ELMO1: variants seen among roughly 807,000 people sequenced by gnomAD.
The protein encoded by ELMO1 is engulfment and cell motility protein 1.
A neutral mutation model predicts 98.9 loss-of-function variants in ELMO1; 26 were observed. The ratio of observed to expected loss-of-function variants is 0.26; its 90% CI spans 0.19 to 0.36. The LOEUF is 0.36. ELMO1 is among the 10% of genes least tolerant of loss of function. The pLI is 1.00. For synonymous variants in ELMO1, 346 were observed against 346.0 expected (o/e 1.00, Z 0.00); for missense variants, 627 against 935.2 (o/e 0.67, Z 4.30).
intron 13 of ELMO1, among the ~76,000 whole-genome samples, chr7:37,184,079 A>C (rs749650220): frequency 1.6e-4 from 24 of 151,746 alleles, no homozygotes; most frequent in Non-Finnish European, 2.8e-4. Context: ...TTTGTCTGTT[A>C]GTTTCAACAT....
intron 16 of ELMO1, among the ~76,000 whole-genome samples, chr7:36,920,559 T>C (rs747729110): frequency 6.6e-6 from 1 of 152,210 alleles, no homozygotes; most frequent in Non-Finnish European, 1.5e-5. Flanking sequence ...CATAATGAAA[T>C]TCATGCATAT....
intron 15 of ELMO1, among the ~76,000 whole-genome samples, chr7:37,071,443 G>A (rs1797262603): frequency 6.6e-6 from 1 of 152,036 alleles, no homozygotes. Context: ...AAAGAAACTA[G>A]CAAGAGATTT....
chr7:37,155,119 G>A (rs2129322469), intron 13 of ELMO1, among the ~76,000 whole-genome samples: 1 of 152,304 alleles, frequency 6.6e-6, no homozygotes, highest in South Asian at 2.1e-4. Flanking sequence ...GAGAGATTTT[G>A]TCACCACCAG....
chr7:37,335,186 G>A (rs1051235828), intron 2 of ELMO1, among the ~76,000 whole-genome samples: 6 of 152,210 alleles, frequency 3.9e-5, no homozygotes, highest in African/African-American at 1.4e-4. Flanking sequence ...TAAGAAATTA[G>A]AAAACTGGAG....
chr7:37,211,541 G>A (rs775624967), intron 12 of ELMO1, 24 bp from the exon 13 acceptor site: 1 of 1,610,290 alleles, frequency 6.2e-7, no homozygotes. Context: ...GGAGTAAAAA[G>A]AAAAGGGAGG....
At chr7:37,244,169 G>A (rs1253161200) in intron 7 of ELMO1, among the ~76,000 whole-genome samples, 187 bp downstream of exon 7, 1 of 152,018 alleles carries the variant, frequency 6.6e-6, no homozygotes, top group Non-Finnish European at 1.5e-5. Flanking sequence ...AGCAAAAAAA[G>A]GGGGGAAAAT....
intron 1 of ELMO1, among the ~76,000 whole-genome samples, chr7:37,417,865 T>A (rs1371382640): frequency 6.6e-6 from 1 of 151,984 alleles, no homozygotes; most frequent in Non-Finnish European, 1.5e-5. Flanking sequence ...GAAAACGTCA[T>A]GCAAAAACAG....
chr7:37,230,702 C>T (rs543437060), intron 8 of ELMO1, among the ~76,000 whole-genome samples: 4 of 152,186 alleles, frequency 2.6e-5, no homozygotes, highest in South Asian at 2.1e-4. Flanking sequence ...ACAGACAAGC[C>T]GGGCACTCTG....
chr7:37,128,162 C>T (rs1274619376), intron 14 of ELMO1, among the ~76,000 whole-genome samples: 2 of 152,178 alleles, frequency 1.3e-5, no homozygotes, highest in Non-Finnish European at 2.9e-5. Flanking sequence ...CACTGCACTG[C>T]AGCCTGGGCA....
chr7:37,393,589 C>A (rs548918360), intron 1 of ELMO1, among the ~76,000 whole-genome samples: 68 of 152,302 alleles, frequency 4.5e-4, no homozygotes, highest in African/African-American at 1.3e-3. Context: ...AGACTATAGA[C>A]TGGTTATTTT....
chr7:37,264,368 C>G (rs1796141264), intron 5 of ELMO1, among the ~76,000 whole-genome samples: 1 of 152,166 alleles, frequency 6.6e-6, no homozygotes, highest in Admixed American at 6.5e-5. Context: ...TGTATTCACA[C>G]ATTTGCATAC....
intron 15 of ELMO1, among the ~76,000 whole-genome samples, chr7:37,019,969 C>T (rs1393612390): frequency 6.6e-6 from 1 of 152,170 alleles, no homozygotes; most frequent in Non-Finnish European, 1.5e-5. Context: ...TTATGTACCA[C>T]TTTGCCTGTC....
At chr7:37,320,357 A>G (rs2131132361) in intron 2 of ELMO1, among the ~76,000 whole-genome samples, 1 of 152,042 alleles carries the variant, frequency 6.6e-6, no homozygotes, top group East Asian at 1.9e-4. Context: ...TAATTCTACT[A>G]TTCTGTACAC....
chr7:37,015,493 C>G (rs1297425314), intron 15 of ELMO1, among the ~76,000 whole-genome samples: 2 of 152,234 alleles, frequency 1.3e-5, no homozygotes, highest in Non-Finnish European at 2.9e-5. Context: ...CCCAGCTACT[C>G]TGGAGGCTGA....
intron 5 of ELMO1, among the ~76,000 whole-genome samples, chr7:37,267,553 T>C (rs1301250086): frequency 6.6e-6 from 1 of 152,254 alleles, no homozygotes; most frequent in Non-Finnish European, 1.5e-5. Flanking sequence ...ATTTTAAACT[T>C]AGGTGAATAC....
chr7:37,316,482 C>T (rs543838199), intron 2 of ELMO1, among the ~76,000 whole-genome samples: 1 of 152,264 alleles, frequency 6.6e-6, no homozygotes, highest in Non-Finnish European at 1.5e-5. Flanking sequence ...CCAATAAATG[C>T]CAATCATGCA....
At chr7:37,269,429 TC>T (rs1796439910) in intron 5 of ELMO1, 1 of 136,460 alleles carries the variant, frequency 7.3e-6, no homozygotes, top group Non-Finnish European at 1.6e-5. Context: ...TGGGCTCCTA[TC>T]TTTTTTTTTT....
At chr7:37,200,917 TG>T (rs1792255773) in intron 13 of ELMO1, among the ~76,000 whole-genome samples, 1 of 150,878 alleles carries the variant, frequency 6.6e-6, no homozygotes, top group Non-Finnish European at 1.5e-5. Context: ...CACTCCAGCC[TG>T]GGTGACAAAG....
chr7:37,284,584 A>G (rs1389287631), intron 4 of ELMO1, among the ~76,000 whole-genome samples: 1 of 152,186 alleles, frequency 6.6e-6, no homozygotes, highest in Non-Finnish European at 1.5e-5. Context: ...CAAAAGGTTA[A>G]GGAGTAACAA....
Sources: gnomAD v4.1 joint callset for allele counts (sites outside exome capture counted in the v4.1 genomes callset) on GRCh38, gnomAD v4.1.1 for gene constraint, MANE v1.5 for transcripts, NCBI Gene and HGNC (gene_info 2026-07-23, HGNC 2026-07-21) for gene names.